Variants in EIF4G3 observed in about 807,000 individuals in gnomAD.
EIF4G3 encodes eukaryotic translation initiation factor 4 gamma 3.
A neutral mutation model predicts 186.4 loss-of-function variants in EIF4G3; 34 were observed. The ratio of observed to expected loss-of-function variants is 0.18; its 90% CI spans 0.14 to 0.24. The LOEUF (loss-of-function observed/expected upper bound fraction) is 0.24, where lower values mean the gene tolerates loss of function less well. Among genes scored for constraint, EIF4G3 ranks in the 10% least tolerant of loss-of-function variants. The probability of loss-of-function intolerance (pLI) is 1.00; values close to 1 mark genes in which losing one functional copy is unlikely to be tolerated. For synonymous variants in EIF4G3, 673 were observed against 679.5 expected (o/e 0.99, Z 0.15); for missense variants, 1,536 against 1,948.5 (o/e 0.79, Z 3.99).
intron 25 of EIF4G3, among the ~76,000 whole-genome samples, chr1:20,855,588 T>A (rs1479498013): frequency 1.3e-5 from 2 of 152,190 alleles, no homozygotes; most frequent in Non-Finnish European, 2.9e-5. Context: ...TTAAGGTGCC[T>A]GATATCTCAT....
chr1:21,005,160 A>G (rs922588093), intron 4 of EIF4G3, among the ~76,000 whole-genome samples: 1 of 152,192 alleles, frequency 6.6e-6, no homozygotes, highest in African/African-American at 2.4e-5. Context: ...AAGAAAACAC[A>G]GGGAATGAAT....
intron 34 of EIF4G3, among the ~76,000 whole-genome samples, chr1:20,813,949 T>A (rs1318776073): frequency 6.8e-5 from 2 of 29,436 alleles, no homozygotes; most frequent in African/African-American, 8.4e-5. Context: ...GAGTCACTGT[T>A]TTTTTTTTTT....
intron 2 of EIF4G3, among the ~76,000 whole-genome samples, chr1:21,157,201 C>G (rs890295007): frequency 6.6e-6 from 1 of 152,116 alleles, no homozygotes; most frequent in African/African-American, 2.4e-5. Flanking sequence ...CATTTCCTAA[C>G]CACTGACCAC....
At chr1:21,035,142 G>A (rs116082357) in intron 4 of EIF4G3, among the ~76,000 whole-genome samples, 172 of 152,260 alleles carry the variant, frequency 1.1e-3, no homozygotes, top group African/African-American at 3.8e-3. Flanking sequence ...AGCTGGGTAG[G>A]ACCCACTCCC....
intron 4 of EIF4G3, among the ~76,000 whole-genome samples, chr1:21,028,673 T>C (rs1011511121): frequency 2.6e-5 from 4 of 152,168 alleles, no homozygotes; most frequent in African/African-American, 9.7e-5. Flanking sequence ...AGCAGCAGAA[T>C]TAGACAAGGT....
At chr1:21,096,629 A>G (rs1032110644) in intron 2 of EIF4G3, among the ~76,000 whole-genome samples, 2 of 152,210 alleles carry the variant, frequency 1.3e-5, no homozygotes, top group African/African-American at 4.8e-5. Context: ...AACCAAAATA[A>G]AACATGCTGA....
chr1:21,099,415 G>C (rs2096465469), intron 2 of EIF4G3, among the ~76,000 whole-genome samples: 1 of 152,168 alleles, frequency 6.6e-6, no homozygotes, highest in African/African-American at 2.4e-5. Context: ...CCATATAATG[G>C]AATACTAGTA....
At chr1:20,825,369 T>C (rs1282014564) in intron 32 of EIF4G3, among the ~76,000 whole-genome samples, 171 bp from the exon 33 acceptor site, 1 of 150,864 alleles carries the variant, frequency 6.6e-6, no homozygotes, top group Non-Finnish European at 1.5e-5. Flanking sequence ...TCCTAGCTAC[T>C]AGGGAGGCTG....
chr1:20,995,501 A>C (rs1480481811), intron 7 of EIF4G3, among the ~76,000 whole-genome samples: 1 of 151,856 alleles, frequency 6.6e-6, no homozygotes, highest in African/African-American at 2.4e-5. Flanking sequence ...CCTCCCAAGT[A>C]ACTGGGATTA....
At chr1:21,010,580 A>T (rs888259474) in intron 4 of EIF4G3, among the ~76,000 whole-genome samples, 3 of 152,182 alleles carry the variant, frequency 2.0e-5, no homozygotes, top group Admixed American at 6.5e-5. Context: ...GCAAAAAACA[A>T]ACTCTATAAC....
intron 2 of EIF4G3, among the ~76,000 whole-genome samples, chr1:21,172,162 T>C (rs1261959172): frequency 6.7e-6 from 1 of 150,220 alleles, no homozygotes; most frequent in Non-Finnish European, 1.5e-5. Context: ...CTGAAATCCA[T>C]TTATTAAAAT....
chr1:21,037,772 C>A (rs1485943635), intron 4 of EIF4G3, among the ~76,000 whole-genome samples: 1 of 152,174 alleles, frequency 6.6e-6, no homozygotes, highest in Non-Finnish European at 1.5e-5. Flanking sequence ...TCAGTGAAAA[C>A]CATCCTCAGC....
At chr1:20,963,785 T>C (rs2073988331) in intron 12 of EIF4G3, among the ~76,000 whole-genome samples, 1 of 151,986 alleles carries the variant, frequency 6.6e-6, no homozygotes, top group Admixed American at 6.6e-5. Flanking sequence ...TGAAACCCTG[T>C]CTCTACTAAA....
chr1:21,166,836 CAGCAGTGCA>C (rs1279599042), intron 2 of EIF4G3, among the ~76,000 whole-genome samples: 2 of 152,046 alleles, frequency 1.3e-5, no homozygotes, highest in Non-Finnish European at 2.9e-5. Flanking sequence ...GGCTGGAGTG[CAGCAGTGCA>C]ATCATGGCTC....
At position 21,002,790 on chromosome 1, in the gene EIF4G3, G is replaced by C; in HGVS notation, c.-48C>G. ...ACCAGCGTGGTTGGACCTGCATTCT[G>C]TCCAGAGGGATAAGGGGTCTGTCAA... is the stretch of plus-strand genomic sequence containing the variant. On this transcript the variant is annotated 5_prime_UTR_variant, in exon 5 of 37. Transcript: ENST00000602326. The C allele has an allele frequency of 6.2e-7, 1 of 1,606,376 alleles. No individual in the cohort carries two copies. The highest frequency in any genetic ancestry group is 2.2e-5 in the East Asian group (1 of 44,796).
At chr1:21,030,877 G>A (rs917151838) in intron 4 of EIF4G3, among the ~76,000 whole-genome samples, 7 of 152,120 alleles carry the variant, frequency 4.6e-5, no homozygotes, top group African/African-American at 1.7e-4. Flanking sequence ...GCTATTGGGA[G>A]GCAAAGAATG....
At chr1:21,158,089 C>G (rs1056452736) in intron 2 of EIF4G3, among the ~76,000 whole-genome samples, 1 of 152,038 alleles carries the variant, frequency 6.6e-6, no homozygotes, top group Non-Finnish European at 1.5e-5. Context: ...CTGACCAAAG[C>G]CTTCAATGTC....
intron 14 of EIF4G3, among the ~76,000 whole-genome samples, chr1:20,939,792 CA>C (rs1248179715): frequency 6.6e-6 from 1 of 150,812 alleles, no homozygotes; most frequent in Non-Finnish European, 1.5e-5. Context: ...CTCCAACAAA[CA>C]CGTGTTTCTT....
Position 20,810,614 on chromosome 1 carries a change from T to C in EIF4G3, c.4744+124A>G. The stretch of plus-strand genomic sequence containing the variant: ...AATTCAAATTTATTAAAGTTAGTTA[T>C]ATGAGTTTGTGTTATTAGTGATTCT... On this transcript the variant is annotated intron_variant, in intron 36 of 36. Transcript: ENST00000602326. This position sits in a 1 kb window ranked among gnomAD's most constrained non-coding sequence, Gnocchi z 4.1. 1 of 1,161,184 alleles carries C rather than the reference T, an allele frequency of 8.6e-7. No homozygotes were observed. Among genetic ancestry groups the C allele is most frequent in the Non-Finnish European group, 1.2e-6 (1 of 815,416 alleles). 71.9% of individuals were successfully genotyped at this position (1,161,184 alleles called of 1,614,324 possible).
Sources: allele counts gnomAD v4.1 joint callset (sites outside exome capture counted in the v4.1 genomes callset), GRCh38; gene constraint gnomAD v4.1.1; non-coding constraint Gnocchi (gnomAD v3.1); transcripts MANE v1.5; gene names NCBI Gene and HGNC (gene_info 2026-07-23, HGNC 2026-07-21).